LRRC7: variants seen among roughly 807,000 people sequenced by gnomAD.
LRRC7 encodes leucine rich repeat containing 7, also known as leucine-rich repeat-containing protein 7.
LRRC7 carries 23 observed loss-of-function variants against 175.7 expected under a neutral mutation model. The ratio of observed to expected loss-of-function variants is 0.13; its 90% CI spans 0.09 to 0.19. The LOEUF (loss-of-function observed/expected upper bound fraction) is 0.19. Ranked by LOEUF, LRRC7 falls within the 10% of genes least tolerant of loss-of-function variation. The pLI is 1.00. For synonymous variants in LRRC7, 685 were observed against 680.9 expected (o/e 1.01, Z -0.09); for missense variants, 1,354 against 1,904.7 (o/e 0.71, Z 5.38).
intron 1 of LRRC7, among the ~76,000 whole-genome samples, chr1:69,640,099 G>A (rs1653980086): frequency 6.6e-6 from 1 of 151,624 alleles, no homozygotes; most frequent in Non-Finnish European, 1.5e-5. Context: ...ATTCCTAAAT[G>A]TCTTCAGCTT....
chr1:69,980,602 ATTTT>A, intron 9 of LRRC7, 149 bp downstream of exon 9: 1 of 490,408 alleles, frequency 2.0e-6, no homozygotes, highest in South Asian at 3.1e-5. Context: ...TGTTTTCACC[ATTTT>A]TTTTTTTAGT....
At chr1:69,631,975 T>C (rs1027186315) in intron 1 of LRRC7, among the ~76,000 whole-genome samples, 1 of 152,210 alleles carries the variant, frequency 6.6e-6, no homozygotes, top group Non-Finnish European at 1.5e-5. Flanking sequence ...CTTTATCATG[T>C]CTTACAAGAC....
chr1:70,134,359 TG>T lies in LRRC7; in HGVS notation c.*12474del, dbSNP rs1208126066. Among the ~76,000 whole-genome samples the T allele has an allele frequency of 2.0e-5, 3 of 152,198 alleles. No homozygotes were observed. Among genetic ancestry groups the T allele is most frequent in the African/African-American group, 7.2e-5 (3 of 41,448 alleles). Reference sequence around the variant, plus strand: ...TCATTTGAAATTCCAGGGCCTCTGATGGCTGGATCATTGCTAAAAAGGCCAA... The same window carrying T: ...TCATTTGAAATTCCAGGGCCTCTGATGCTGGATCATTGCTAAAAAGGCCAA... On this transcript the variant is annotated 3_prime_UTR_variant, in exon 27 of 27. Transcript: ENST00000651989.
At chr1:70,089,541 T>C (rs1001981383) in intron 24 of LRRC7, among the ~76,000 whole-genome samples, 186 bp from the exon 25 acceptor site, 1 of 152,190 alleles carries the variant, frequency 6.6e-6, no homozygotes, top group Non-Finnish European at 1.5e-5. Flanking sequence ...GTTTCCATCA[T>C]AACTGATGCA....
Position 69,792,145 on chromosome 1 carries a change from G to A in LRRC7, c.406G>A (p.Asp136Asn), listed in dbSNP as rs1351757725. The change falls in exon 4 of 27, where the codon GAC (aspartate) becomes AAC (asparagine). Residue 136 changes from aspartate (D) to asparagine (N), a missense_variant. Coordinates refer to ENST00000651989, the MANE Select transcript of LRRC7 (RefSeq NM_001370785.2). ...IASLVNLKEL[D>N]ISKNGVQEFP... The stretch of plus-strand genomic sequence containing the variant: ...TAGTTTAGTTAATCTTAAAGAACTC[G>A]ACATCAGTAAAAATGGTAAGATTTT... 5 of 1,583,866 alleles carry A rather than the reference G, an allele frequency of 3.2e-6. No individual in the cohort carries two copies. The highest frequency in any genetic ancestry group is 1.1e-5 in the South Asian group (1 of 87,794).
In LRRC7 at chr1:70,129,022, G is replaced by C. The variant is rs1666558704; in HGVS notation, c.*7135G>C. 6.6e-6 allele frequency among the ~76,000 whole-genome samples: 1 copy of C among 152,054 alleles called. No homozygotes were observed. Among genetic ancestry groups the C allele is most frequent in the Non-Finnish European group, 1.5e-5 (1 of 68,018 alleles). ...GCACTTAGGGAGGCCGAGGCAGGTG[G>C]ATCACTTGAGGTCAGGAATTGGATA... On this transcript the variant is annotated 3_prime_UTR_variant, in exon 27 of 27. Coordinates refer to ENST00000651989, the MANE Select transcript of LRRC7 (RefSeq NM_001370785.2).
Position 70,138,117 on chromosome 1 carries a change from G to A in LRRC7, c.*16230G>A, listed in dbSNP as rs183223988. On this transcript the variant is annotated 3_prime_UTR_variant, in exon 27 of 27. Coordinates refer to ENST00000651989, the MANE Select transcript of LRRC7 (RefSeq NM_001370785.2). ...TTTGGTTTTTCCTTGTAGAAACTTAGTGTCATTGCGCATCAACTTAGAAAA... is the reference window on the plus strand; with the variant it reads ...TTTGGTTTTTCCTTGTAGAAACTTAATGTCATTGCGCATCAACTTAGAAAA... The A allele has an allele frequency of 1.6e-4, 25 of 152,316 alleles. No individual in the cohort carries two copies. In the East Asian group the frequency reaches 3.5e-3, roughly 21 times the overall value. The allele number at this position is 152,316 out of a possible 1,614,324, so 9.4% of individuals were successfully genotyped here.
intron 4 of LRRC7, among the ~76,000 whole-genome samples, chr1:69,807,292 T>G (rs1218188520): frequency 6.6e-6 from 1 of 152,118 alleles, no homozygotes; most frequent in Non-Finnish European, 1.5e-5. Context: ...TTAGCCCATT[T>G]TCATTTAAAA....
chr1:69,814,128 A>T (rs1034152794), intron 4 of LRRC7, among the ~76,000 whole-genome samples: 1 of 152,066 alleles, frequency 6.6e-6, no homozygotes, highest in African/African-American at 2.4e-5. Flanking sequence ...TATGGGCTTT[A>T]TTTGTCTAAT....
chr1:70,041,831 G>A (rs1013363931), intron 21 of LRRC7, among the ~76,000 whole-genome samples: 3 of 152,174 alleles, frequency 2.0e-5, no homozygotes, highest in South Asian at 2.1e-4. Flanking sequence ...AAAAGTGGGC[G>A]ACTCCTCTAG....
intron 4 of LRRC7, among the ~76,000 whole-genome samples, chr1:69,797,760 A>G (rs1215716761): frequency 1.3e-5 from 2 of 152,214 alleles, no homozygotes; most frequent in African/African-American, 4.8e-5. Context: ...AATTGCTAAT[A>G]TGACTGCATT....
intron 2 of LRRC7, among the ~76,000 whole-genome samples, chr1:69,728,076 A>G (rs113771916): frequency 0.01 from 1,578 of 152,118 alleles, 38 homozygotes; most frequent in African/African-American, 0.036. Context: ...TGGCAGTTTT[A>G]TTACTTTTTT....
At chr1:69,956,507 T>C (rs921383220) in intron 8 of LRRC7, among the ~76,000 whole-genome samples, 1 of 151,846 alleles carries the variant, frequency 6.6e-6, no homozygotes, top group Admixed American at 6.6e-5. Flanking sequence ...TTAATGTTAT[T>C]ATTATTTGAG....
At chr1:69,902,701 C>A (rs969931042) in intron 7 of LRRC7, among the ~76,000 whole-genome samples, 12 of 152,168 alleles carry the variant, frequency 7.9e-5, no homozygotes, top group African/African-American at 2.9e-4. Flanking sequence ...AAGAATCAGA[C>A]TTTTCTTGCT....
At chr1:69,570,441 AC>A (rs1645695441) in intron 1 of LRRC7, among the ~76,000 whole-genome samples, 1 of 95,630 alleles carries the variant, frequency 1.0e-5, no homozygotes, top group African/African-American at 4.0e-5. Flanking sequence ...CTTCACCCCC[AC>A]CCCTTGCTCC....
At chr1:69,624,640 C>A (rs1466721548) in intron 1 of LRRC7, among the ~76,000 whole-genome samples, 1 of 151,982 alleles carries the variant, frequency 6.6e-6, no homozygotes, top group Non-Finnish European at 1.5e-5. Context: ...TTGATTTTTA[C>A]ATTTTAATCT....
Position 70,125,713 on chromosome 1 carries a change from A to C in LRRC7, c.*3826A>C, listed in dbSNP as rs1571390614. On this transcript the variant is annotated 3_prime_UTR_variant, in exon 27 of 27. Transcript: ENST00000651989. Reference sequence around the variant, plus strand: ...AGGCTGAGGCAGGAGAATGGCGTGAACCCAGGAGGCGGAGCTTGCAGTGAG... The same window carrying C: ...AGGCTGAGGCAGGAGAATGGCGTGACCCCAGGAGGCGGAGCTTGCAGTGAG... Among the ~76,000 whole-genome samples, 3 of 142,604 alleles carry C rather than the reference A, an allele frequency of 2.1e-5. No individual in the cohort carries two copies. Among genetic ancestry groups the C allele is most frequent in the Non-Finnish European group, 3.0e-5 (2 of 65,704 alleles). 93.6% of individuals were successfully genotyped at this position (142,604 alleles called of 152,430 possible).
chr1:69,679,915 C>T (rs1660257925), intron 2 of LRRC7, among the ~76,000 whole-genome samples: 1 of 151,980 alleles, frequency 6.6e-6, no homozygotes, highest in African/African-American at 2.4e-5. Context: ...TTTGTAAGTA[C>T]AATTGTATTG....
intron 2 of LRRC7, among the ~76,000 whole-genome samples, chr1:69,710,465 G>T (rs1664627639): frequency 1.3e-5 from 2 of 152,194 alleles, no homozygotes; most frequent in South Asian, 4.1e-4. Flanking sequence ...AGGGTTTACA[G>T]ATTTGGAGAT....
Sources: allele counts gnomAD v4.1 joint callset (sites outside exome capture counted in the v4.1 genomes callset), GRCh38; gene constraint gnomAD v4.1.1; transcripts MANE v1.5; gene names NCBI Gene and HGNC (gene_info 2026-07-23, HGNC 2026-07-21).